The following ITIH5 variants were observed in gnomAD, a reference collection of about 807,000 sequenced individuals.
ITIH5 encodes the protein inter-alpha-trypsin inhibitor heavy chain 5.
In ITIH5, 65 loss-of-function variants were observed where a neutral mutation model predicts 77.5. The observed-to-expected ratio is 0.84, with a 90% CI of 0.69 to 1.03. The LOEUF is 1.03. Ranked by LOEUF, ITIH5 falls within the 50% of genes least tolerant of loss-of-function variation. The pLI is 0.00. For missense variants in ITIH5, 1,208 were observed against 1,213.1 expected (o/e 1.00, Z 0.06); for synonymous variants, 525 against 494.3 (o/e 1.06, Z -0.82).
intron 8 of ITIH5, among the ~76,000 whole-genome samples, chr10:7,582,311 C>T (rs1318511882): frequency 6.6e-6 from 1 of 152,146 alleles, no homozygotes; most frequent in Non-Finnish European, 1.5e-5. Context: ...GATGGGGAGA[C>T]AGGTGGTTGG....
rs769659128 is a variant in ITIH5, at chr10:7,666,914, G to C, written c.-22C>G. On this transcript the variant is annotated 5_prime_UTR_variant, in exon 1 of 14. Transcript: ENST00000397146. ...GCATGGCGGGGCGAGGGCGCGGGAC[G>C]CTCGGGGACCCGGCGGGACACGCTT... is the stretch of plus-strand genomic sequence containing the variant. 1.3e-6 allele frequency: 2 copies of C among 1,570,814 alleles called. No individual in the cohort carries two copies. Among genetic ancestry groups the C allele is most frequent in the Non-Finnish European group, 1.7e-6 (2 of 1,159,830 alleles).
In ITIH5 at chr10:7,572,270, G is replaced by T. The variant is rs1416839454; in HGVS notation, c.2032+872C>A. 3 of 1,353,270 alleles carry T rather than the reference G, an allele frequency of 2.2e-6. No individual in the cohort carries two copies. In the African/African-American group the frequency reaches 4.5e-5, roughly 20 times the overall value. The allele number at this position is 1,353,270 out of a possible 1,614,324, so 83.8% of individuals were successfully genotyped here. On this transcript the variant is annotated intron_variant, in intron 11 of 13. Coordinates refer to ENST00000397146, the MANE Select transcript of ITIH5 (RefSeq NM_030569.7). ...ATCAAGACTTCCAGAGGATGATCTG[G>T]ACACAGCAGAACAAAACCCAGTCAT... is the stretch of plus-strand genomic sequence containing the variant.
At position 7,600,505 on chromosome 10, in the gene ITIH5, C is replaced by T. The variant is rs1317171140; in HGVS notation, c.940-14436G>A. 6.6e-6 allele frequency: 3 copies of T among 456,728 alleles called. No individual in the cohort carries two copies. In the East Asian group the frequency reaches 2.1e-4, roughly 32 times the overall value. 28.3% of individuals were successfully genotyped at this position (456,728 alleles called of 1,614,324 possible). A position where few individuals can be genotyped will look rare whatever the true frequency, so the allele number is the denominator to read the frequency against. On this transcript the variant is annotated intron_variant, in intron 7 of 13. Coordinates refer to ENST00000397146, the MANE Select transcript of ITIH5 (RefSeq NM_030569.7). ...CCCACCAGAAATGAGCCCGGTCTCTCCTCCTGGATATTTGTCTTGTTACCT... is the reference window on the plus strand; with the variant it reads ...CCCACCAGAAATGAGCCCGGTCTCTTCTCCTGGATATTTGTCTTGTTACCT...
At chr10:7,651,439 C>T (rs1304268010) in intron 2 of ITIH5, among the ~76,000 whole-genome samples, 13 of 151,906 alleles carry the variant, frequency 8.6e-5, no homozygotes, top group Admixed American at 7.2e-4. Flanking sequence ...GAAAATTAGC[C>T]GAGCGCGATG....
chr10:7,663,023 A>C (rs1452698330), intron 1 of ITIH5, among the ~76,000 whole-genome samples: 2 of 152,266 alleles, frequency 1.3e-5, no homozygotes, highest in Non-Finnish European at 2.9e-5. Context: ...TAGATGTTTG[A>C]ATTATGACTA....
At chr10:7,641,561 G>A (rs975737226) in intron 3 of ITIH5, among the ~76,000 whole-genome samples, 2 of 148,086 alleles carry the variant, frequency 1.4e-5, no homozygotes, top group African/African-American at 5.0e-5. Flanking sequence ...AAAGAGGAAA[G>A]AAAGAAAGGA....
chr10:7,572,554 T>C (rs916744959), intron 11 of ITIH5, among the ~76,000 whole-genome samples: 1 of 152,156 alleles, frequency 6.6e-6, no homozygotes, highest in Non-Finnish European at 1.5e-5. Context: ...GGTCAGAATG[T>C]GCCTCTGCCA....
chr10:7,563,239 C>T lies in ITIH5; in HGVS notation c.2673G>A (p.Lys891=). Residue 891 remains lysine, a synonymous_variant, in exon 14 of 14, where the codon AAG becomes AAA. Transcript: ENST00000397146. ...CTTCCCCGTTGTAAATCTTCCTTTGCTTCCAGACCACTGGGACTTGGTGGC... is the reference window on the plus strand; with the variant it reads ...CTTCCCCGTTGTAAATCTTCCTTTGTTTCCAGACCACTGGGACTTGGTGGC... ...VKGHQVPVVW[K]QRKIYNGEEQ... is the part of the protein sequence containing the mutation. 1.2e-6 allele frequency: 2 copies of T among 1,614,242 alleles called. No individual in the cohort carries two copies. Among genetic ancestry groups the T allele is most frequent in the Non-Finnish European group, 1.7e-6 (2 of 1,180,048 alleles).
chr10:7,642,863 G>A (rs1413773), intron 2 of ITIH5, among the ~76,000 whole-genome samples: 76,355 of 152,026 alleles, frequency 0.5, 20,991 homozygotes, highest in African/African-American at 0.73. Context: ...ACAAGCCACT[G>A]CTAACAGAGT....
At chr10:7,659,934 C>G (rs531010792) in intron 1 of ITIH5, among the ~76,000 whole-genome samples, 1 of 152,252 alleles carries the variant, frequency 6.6e-6, no homozygotes, top group East Asian at 1.9e-4. Flanking sequence ...TTTTAAGAAA[C>G]GAGGGGTGGA....
rs936913947 is a variant in ITIH5, at chr10:7,606,880, T to C, written c.939+9102A>G. Among the ~76,000 whole-genome samples the C allele has an allele frequency of 2.6e-5, 4 of 152,240 alleles. No homozygotes were observed. In the East Asian group the frequency reaches 7.7e-4, roughly 29 times the overall value. ...TTATTTTAAATTATCTGTATTATCATTGTTGGAGAGCAATTTTTTTTCTTG... is the reference window on the plus strand; with the variant it reads ...TTATTTTAAATTATCTGTATTATCACTGTTGGAGAGCAATTTTTTTTCTTG... On this transcript the variant is annotated intron_variant, in intron 7 of 13. Coordinates refer to ENST00000397146, the MANE Select transcript of ITIH5 (RefSeq NM_030569.7).
chr10:7,660,510 A>G, intron 1 of ITIH5, among the ~76,000 whole-genome samples: 1 of 152,224 alleles, frequency 6.6e-6, no homozygotes, highest in East Asian at 1.9e-4. Context: ...TGTGTCAGTA[A>G]CATCATCAGA....
intron 7 of ITIH5, among the ~76,000 whole-genome samples, chr10:7,589,147 C>T (rs777678418): frequency 4.6e-5 from 7 of 152,208 alleles, no homozygotes; most frequent in Non-Finnish European, 8.8e-5. Flanking sequence ...TATCCATCTC[C>T]TGTAACATCC....
chr10:7,628,992 T>C (rs112418564), intron 5 of ITIH5, among the ~76,000 whole-genome samples: 10,983 of 118,740 alleles, frequency 0.092, 1,192 homozygotes, highest in East Asian at 0.15. Flanking sequence ...TGTTGTGGCA[T>C]GCATCCATGT....
chr10:7,636,333 T>A (rs1278917970), intron 5 of ITIH5, among the ~76,000 whole-genome samples: 1 of 152,190 alleles, frequency 6.6e-6, no homozygotes, highest in East Asian at 1.9e-4. Flanking sequence ...ACATCTATAC[T>A]AAGCATTTTT....
At chr10:7,564,085 G>T (rs746950712) in intron 13 of ITIH5, among the ~76,000 whole-genome samples, 2 of 152,246 alleles carry the variant, frequency 1.3e-5, no homozygotes, top group African/African-American at 2.4e-5. Flanking sequence ...GTGCCCCCCC[G>T]GTGGGGGTGT....
chr10:7,565,913 A>G (rs1191485887), intron 13 of ITIH5, 117 bp downstream of exon 13: 14 of 1,414,860 alleles, frequency 9.9e-6, no homozygotes, highest in African/African-American at 1.4e-5. Flanking sequence ...ATATATAATG[A>G]AAACCACATT....
At chr10:7,652,013 C>G (rs1049940875) in intron 2 of ITIH5, among the ~76,000 whole-genome samples, 1 of 152,174 alleles carries the variant, frequency 6.6e-6, no homozygotes, top group Non-Finnish European at 1.5e-5. Flanking sequence ...TGCTGCAAAG[C>G]AGACACCAAG....
At chr10:7,637,501 C>T in intron 4 of ITIH5, 23 bp from the exon 5 acceptor site, 1 of 1,610,700 alleles carries the variant, frequency 6.2e-7, no homozygotes, top group Non-Finnish European at 8.5e-7. Flanking sequence ...AGGAAAAGGA[C>T]CCCAGGGAGG....
Sources: gnomAD v4.1 joint callset for allele counts (sites outside exome capture counted in the v4.1 genomes callset) on GRCh38, gnomAD v4.1.1 for gene constraint, MANE v1.5 for transcripts, NCBI Gene and HGNC (gene_info 2026-07-23, HGNC 2026-07-21) for gene names.